The following TMCO2 variants were observed in gnomAD, a reference collection of about 807,000 sequenced individuals.
TMCO2 encodes transmembrane and coiled-coil domain-containing protein 2.
A neutral mutation model predicts 18.0 loss-of-function variants in TMCO2; 15 were observed. That is an observed-to-expected ratio of 0.84 (90% CI 0.56 to 1.29). The LOEUF is 1.29. Ranked by LOEUF, TMCO2 falls within the 50% of genes most tolerant of loss-of-function variation. The probability of loss-of-function intolerance (pLI) is 0.00; values close to 1 mark genes in which losing one functional copy is unlikely to be tolerated. For missense variants in TMCO2, 182 were observed against 200.9 expected, an observed-to-expected ratio of 0.91 and a Z score of 0.57; for synonymous variants, 79 against 75.9, an observed-to-expected ratio of 1.04 and a Z score of -0.21.
In TMCO2 at chr1:40,248,053, A is replaced by T. The variant is rs1643352416; in HGVS notation, c.60A>T (p.Thr20=). The T allele has an allele frequency of 6.2e-7, 1 of 1,614,124 alleles. No individual in the cohort carries two copies. Among genetic ancestry groups the T allele is most frequent in the Admixed American group, 1.7e-5 (1 of 60,012 alleles). Residue 20 remains threonine, a synonymous_variant, in exon 1 of 2, where the codon ACA becomes ACT. Coordinates refer to ENST00000372766, the MANE Select transcript of TMCO2 (RefSeq NM_001008740.4). ...TCTTAGAGTCTCTCTCTCTCAGCAC[A>T]GTATGGAATTGGATACAAGCAAGTT... ...DNLLESLSLS[T]VWNWIQASFL... is the part of the protein sequence containing the mutation.
rs1203391841 is a variant in TMCO2 at position 40,248,197 on chromosome 1, T to C, written c.204T>C (p.Tyr68=). 6.2e-7 allele frequency: 1 copy of C among 1,613,978 alleles called. No individual in the cohort carries two copies. Among genetic ancestry groups the C allele is most frequent in the Non-Finnish European group, 8.5e-7 (1 of 1,179,864 alleles). Residue 68 remains tyrosine (Y), a synonymous_variant, in exon 1 of 2, where the codon TAT becomes TAC. Transcript: ENST00000372766. ...TGATTTTATTGGGAATAGGAATATATGCCTTATGGAAACGAAGTATTCAGT... is the reference window on the plus strand; with the variant it reads ...TGATTTTATTGGGAATAGGAATATACGCCTTATGGAAACGAAGTATTCAGT... ...SFLILLGIGI[Y]ALWKRSIQSI...
chr1:40,248,053 A>G lies in TMCO2; in HGVS notation c.60A>G (p.Thr20=). Residue 20 remains threonine, a synonymous_variant, in exon 1 of 2, where the codon ACA becomes ACG. Coordinates refer to ENST00000372766, the MANE Select transcript of TMCO2 (RefSeq NM_001008740.4). ...DNLLESLSLS[T]VWNWIQASFL... is the part of the protein sequence containing the mutation. Reference sequence around the variant, plus strand: ...TCTTAGAGTCTCTCTCTCTCAGCACAGTATGGAATTGGATACAAGCAAGTT... The same window carrying G: ...TCTTAGAGTCTCTCTCTCTCAGCACGGTATGGAATTGGATACAAGCAAGTT... 1 of 1,614,242 alleles carries G rather than the reference A, an allele frequency of 6.2e-7. No homozygotes were observed. Among genetic ancestry groups the G allele is most frequent in the Admixed American group, 1.7e-5 (1 of 60,032 alleles).
chr1:40,249,247 G>A (rs1643360357), intron 1 of TMCO2, among the ~76,000 whole-genome samples: 1 of 144,696 alleles, frequency 6.9e-6, no homozygotes, highest in African/African-American at 2.6e-5. Flanking sequence ...CCTAAATCTT[G>A]AACAGGAATG....
At chr1:40,250,576 G>C (rs551463627) in intron 1 of TMCO2, among the ~76,000 whole-genome samples, 2 of 152,190 alleles carry the variant, frequency 1.3e-5, no homozygotes, top group African/African-American at 4.8e-5. Flanking sequence ...AAGTGTACTT[G>C]GAAGTGTGAA....
Position 40,251,349 on chromosome 1 carries a change from T to C in TMCO2, c.304T>C (p.Leu102=), listed in dbSNP as rs1643382143. The change falls in exon 2 of 2, where the codon TTG becomes CTG. Residue 102 remains leucine (L), a synonymous_variant. Coordinates refer to ENST00000372766, the MANE Select transcript of TMCO2 (RefSeq NM_001008740.4). ...YKKGSHIFEA[L]LANPEGSGLR... ...GAAGGGCTCACATATTTTTGAGGCT[T>C]TGCTAGCCAACCCAGAAGGAAGTGG... The C allele has an allele frequency of 2.2e-5, 35 of 1,614,024 alleles. No individual in the cohort carries two copies. Among genetic ancestry groups the C allele is most frequent in the Non-Finnish European group, 3.0e-5 (35 of 1,180,000 alleles).
chr1:40,250,862 G>GC (rs1643377016), intron 1 of TMCO2, among the ~76,000 whole-genome samples: 1 of 152,214 alleles, frequency 6.6e-6, no homozygotes, highest in Non-Finnish European at 1.5e-5. Context: ...CTAAGGCCGG[G>GC]CATGGTGGCT....
In TMCO2 at chr1:40,250,786, C is replaced by A. The variant is rs1311649634; in HGVS notation, c.238-497C>A. Among the ~76,000 whole-genome samples the A allele has an allele frequency of 1.3e-5, 2 of 152,242 alleles. 1 individual carries two copies. Among genetic ancestry groups the A allele is most frequent in the African/African-American group, 4.8e-5 (2 of 41,540 alleles). On this transcript the variant is annotated intron_variant, in intron 1 of 1. Coordinates refer to ENST00000372766, the MANE Select transcript of TMCO2 (RefSeq NM_001008740.4). ...GATTAAATGCAAATAATAATCCTGC[C>A]TGACCTGCCTACCTCTCCAGTTTGC...
chr1:40,249,255 ATGTG>A (rs3075101), intron 1 of TMCO2, among the ~76,000 whole-genome samples: 13,710 of 139,732 alleles, frequency 0.098, 656 homozygotes, highest in Non-Finnish European at 0.12. Flanking sequence ...TTGAACAGGA[ATGTG>A]TGTGTGTGTG....
chr1:40,248,607 G>A (rs1208629041), intron 1 of TMCO2, among the ~76,000 whole-genome samples: 1 of 152,138 alleles, frequency 6.6e-6, no homozygotes, highest in Non-Finnish European at 1.5e-5. Flanking sequence ...CCATTGTTCT[G>A]TAACTGATAA....
Position 40,251,281 on chromosome 1 carries a change from A to G in TMCO2, c.238-2A>G, listed in dbSNP as rs775181141. On this transcript the variant is annotated splice_acceptor_variant, in intron 1 of 1. Transcript: ENST00000372766. LOFTEE classifies it high-confidence loss of function. The stretch of plus-strand genomic sequence containing the variant: ...CACTCAACTTCTGTTGTTCCATTTT[A>G]GAAAACATTGTTGTTTGTAATCACA... 6 of 1,605,430 alleles carry G rather than the reference A, an allele frequency of 3.7e-6. No homozygotes were observed. In the African/African-American group the frequency reaches 6.7e-5, roughly 18 times the overall value.
At chr1:40,249,255 A>ATGTGTGTGTG (rs3075101) in intron 1 of TMCO2, among the ~76,000 whole-genome samples, 2,183 of 139,880 alleles carry the variant, frequency 0.016, 30 homozygotes, top group South Asian at 0.032. Flanking sequence ...TTGAACAGGA[A>ATGTGTGTGTG]TGTGTGTGTG....
rs376844986 is a variant in TMCO2 at position 40,249,665 on chromosome 1, T to G, written c.237+1435T>G. ...CAAGAATCTGTCCTACTATACATAT[T>G]CTTTTGTTATTTATTTATTTATTTT... On this transcript the variant is annotated intron_variant, in intron 1 of 1. Transcript: ENST00000372766. Among the ~76,000 whole-genome samples, 12 of 152,198 alleles carry G rather than the reference T, an allele frequency of 7.9e-5. 1 individual carries two copies. The highest frequency in any genetic ancestry group is 3.9e-4 in the East Asian group (2 of 5,168).
intron 1 of TMCO2, among the ~76,000 whole-genome samples, chr1:40,249,305 G>A (rs1023898897): frequency 2.0e-4 from 30 of 149,150 alleles, no homozygotes; most frequent in African/African-American, 4.4e-4. Flanking sequence ...GTGTGTGTAC[G>A]CGCATGCGCA....
At chr1:40,251,204 A>G (rs192225860) in intron 1 of TMCO2, 79 bp from the exon 2 acceptor site, 55 of 1,234,962 alleles carry the variant, frequency 4.5e-5, no homozygotes, top group African/African-American at 3.1e-5. Flanking sequence ...TATTGTTACT[A>G]TTAGGTTTTT....
intron 1 of TMCO2, among the ~76,000 whole-genome samples, chr1:40,250,433 G>A (rs1044381460): frequency 6.6e-6 from 1 of 152,054 alleles, no homozygotes; most frequent in African/African-American, 2.4e-5. Context: ...CTGGGCTCAG[G>A]TGATCCTCCC....
At chr1:40,249,959 G>A (rs1188976924) in intron 1 of TMCO2, among the ~76,000 whole-genome samples, 1 of 151,918 alleles carries the variant, frequency 6.6e-6, no homozygotes, top group Non-Finnish European at 1.5e-5. Context: ...ACAGGCATGA[G>A]CCACCGTGCC....
intron 1 of TMCO2, among the ~76,000 whole-genome samples, chr1:40,249,533 C>G (rs185617042): frequency 6.7e-6 from 1 of 149,496 alleles, no homozygotes; most frequent in Admixed American, 6.7e-5. Flanking sequence ...GAGCCAAGAT[C>G]GTGCCACTGC....
At chr1:40,248,484 AG>A (rs1244190181) in intron 1 of TMCO2, among the ~76,000 whole-genome samples, 1 of 152,214 alleles carries the variant, frequency 6.6e-6, no homozygotes, top group Non-Finnish European at 1.5e-5. Context: ...TAACCTGAAA[AG>A]ACAGCCTTAC....
intron 1 of TMCO2, among the ~76,000 whole-genome samples, chr1:40,248,919 GCTTT>G (rs1448019338): frequency 6.6e-6 from 1 of 152,160 alleles, no homozygotes; most frequent in Non-Finnish European, 1.5e-5. Flanking sequence ...TTTTAAAACG[GCTTT>G]CTTAGAGTGA....
Sources: gnomAD v4.1 joint callset for allele counts (sites outside exome capture counted in the v4.1 genomes callset) on GRCh38, gnomAD v4.1.1 for gene constraint, MANE v1.5 for transcripts, NCBI Gene and HGNC (gene_info 2026-07-23, HGNC 2026-07-21) for gene names.